The following TRDMT1 variants were observed in gnomAD, a reference collection of about 807,000 sequenced individuals.
The protein encoded by TRDMT1 is tRNA (cytosine(38)-C(5))-methyltransferase.
In TRDMT1, 49 loss-of-function variants were observed where a neutral mutation model predicts 51.2. That is an observed-to-expected ratio of 0.96 (90% CI 0.76 to 1.21). The LOEUF is 1.21. TRDMT1 is among the 50% of genes most tolerant of loss of function. TRDMT1 has a pLI of 0.00. For synonymous variants in TRDMT1, 187 were observed against 164.6 expected, an observed-to-expected ratio of 1.14 and a Z score of -1.04; for missense variants, 534 against 462.3, an observed-to-expected ratio of 1.16 and a Z score of -1.42.
intron 10 of TRDMT1, 86 bp downstream of exon 10, chr10:17,153,421 T>C: frequency 6.7e-7 from 1 of 1,487,752 alleles, no homozygotes; most frequent in Non-Finnish European, 9.2e-7. Flanking sequence ...GCCCATTTGT[T>C]TAGGCAAGTC....
Position 17,146,630 on chromosome 10 carries a change from C to T in TRDMT1, c.*2410G>A, listed in dbSNP as rs11254400. On this transcript the variant is annotated 3_prime_UTR_variant, in exon 11 of 11. Transcript: ENST00000377799. ...AGCAGGGATGATGGGAAAAGGAGAA[C>T]GAAAAATCGGTTTACTGTAAGGTAT... 0.15 allele frequency: 147,054 copies of T among 984,928 alleles called. 11,139 individuals carry two copies. The highest frequency in any genetic ancestry group is 0.17 in the Admixed American group (2,796 of 16,234). 61.0% of individuals were successfully genotyped at this position (984,928 alleles called of 1,614,324 possible).
chr10:17,201,480 T>TG, intron 1 of TRDMT1, 91 bp downstream of exon 1: 30 of 1,318,608 alleles, frequency 2.3e-5, no homozygotes, highest in Non-Finnish European at 2.8e-5. Context: ...TGTCCGCCCC[T>TG]TGCGTCTCGC....
intron 1 of TRDMT1, among the ~76,000 whole-genome samples, chr10:17,193,978 A>T (rs1175384272): frequency 1.3e-5 from 2 of 152,228 alleles, no homozygotes; most frequent in Non-Finnish European, 2.9e-5. Context: ...GACAAACGAA[A>T]CAGAATAGAT....
intron 1 of TRDMT1, among the ~76,000 whole-genome samples, chr10:17,179,041 T>C (rs1345806128): frequency 1.3e-5 from 2 of 151,210 alleles, no homozygotes; most frequent in African/African-American, 2.4e-5. Context: ...GGCAAATTAA[T>C]GTAAAAAAAA....
rs1837581583 is a variant in TRDMT1 at position 17,140,438 on chromosome 10, T to C, written c.*8602A>G. On this transcript the variant is annotated 3_prime_UTR_variant, in exon 11 of 11. Coordinates refer to ENST00000377799, the MANE Select transcript of TRDMT1 (RefSeq NM_004412.7). ...TACAATTCTATTACCATACTCAGCA[T>C]ACTCATATCTAAGTCAGTTAATTGG... is the stretch of plus-strand genomic sequence containing the variant. Among the ~76,000 whole-genome samples, 1 of 152,178 alleles carries C rather than the reference T, an allele frequency of 6.6e-6. No individual in the cohort carries two copies. The highest frequency in any genetic ancestry group is 2.4e-5 in the African/African-American group (1 of 41,438).
chr10:17,158,491 G>A (rs1299642108), intron 7 of TRDMT1, among the ~76,000 whole-genome samples: 2 of 152,030 alleles, frequency 1.3e-5, no homozygotes. Flanking sequence ...AGGGATTGAG[G>A]TGACACTACC....
intron 3 of TRDMT1, among the ~76,000 whole-genome samples, chr10:17,164,809 C>G (rs1356450636): frequency 1.3e-5 from 2 of 152,168 alleles, no homozygotes; most frequent in Non-Finnish European, 2.9e-5. Flanking sequence ...ATCCAACTTA[C>G]AAGGGATGTG....
At position 17,201,130 on chromosome 10, in the gene TRDMT1, G is replaced by A. The variant is rs562748030; in HGVS notation, c.64+441C>T. Among the ~76,000 whole-genome samples, 4 of 151,540 alleles carry A rather than the reference G, an allele frequency of 2.6e-5. No homozygotes were observed. In the East Asian group the frequency reaches 5.9e-4, roughly 22 times the overall value. On this transcript the variant is annotated intron_variant, in intron 1 of 10. Coordinates refer to ENST00000377799, the MANE Select transcript of TRDMT1 (RefSeq NM_004412.7). ...GAATTGTAGCTATTATCCCTTCCAA[G>A]ATCCATCTCTCACCAGGGGAGCCCC...
chr10:17,160,028 C>T (rs1840089887), intron 6 of TRDMT1, among the ~76,000 whole-genome samples: 1 of 152,066 alleles, frequency 6.6e-6, no homozygotes. Context: ...AAATACCAAA[C>T]TTGACGTATT....
intron 1 of TRDMT1, chr10:17,201,325 G>A (rs1159286504): frequency 1.0e-5 from 5 of 498,756 alleles, no homozygotes; most frequent in Non-Finnish European, 1.4e-5. Flanking sequence ...ACTCCCAACT[G>A]GGCCCTTTGA....
intron 3 of TRDMT1, 67 bp from the exon 4 acceptor site, chr10:17,162,304 G>T (rs1225009256): frequency 7.1e-7 from 1 of 1,415,682 alleles, no homozygotes; most frequent in Non-Finnish European, 9.6e-7. Context: ...CTGATAAAAA[G>T]ATGTCAAATC....
Position 17,137,846 on chromosome 10 carries a change from A to G in TRDMT1, c.*11194T>C, listed in dbSNP as rs1837464211. Among the ~76,000 whole-genome samples the G allele has an allele frequency of 6.6e-6, 1 of 152,026 alleles. No individual in the cohort carries two copies. Among genetic ancestry groups the G allele is most frequent in the Non-Finnish European group, 1.5e-5 (1 of 68,006 alleles). ...CTCTGCCAAAAAAAAAAGAAAAAAA[A>G]AAAAAGGTTGTTCCACTTGTCCAGC... On this transcript the variant is annotated 3_prime_UTR_variant, in exon 11 of 11. Transcript: ENST00000377799.
Position 17,147,523 on chromosome 10 carries a change from A to T in TRDMT1, c.*1517T>A. 1 of 221,540 alleles carries T rather than the reference A, an allele frequency of 4.5e-6. No homozygotes were observed. Among genetic ancestry groups the T allele is most frequent in the Non-Finnish European group, 7.6e-6 (1 of 131,458 alleles). 13.7% of individuals were successfully genotyped at this position (221,540 alleles called of 1,614,324 possible). A position where few individuals can be genotyped will look rare whatever the true frequency, so the allele number is the denominator to read the frequency against. ...CCTCCAGAACTTTCTCATCACCCCA[A>T]TCAGAAACTTTGTATCCATTATGCA... On this transcript the variant is annotated 3_prime_UTR_variant, in exon 11 of 11. Transcript: ENST00000377799.
At chr10:17,195,492 T>A (rs375412958) in intron 1 of TRDMT1, among the ~76,000 whole-genome samples, 2 of 152,076 alleles carry the variant, frequency 1.3e-5, no homozygotes, top group East Asian at 1.9e-4. Flanking sequence ...AAACTAACTG[T>A]GGGTACTATG....
rs374258496 is a variant in TRDMT1 at position 17,150,967 on chromosome 10, ATAAG to A, written c.1076-1831_1076-1828del. On this transcript the variant is annotated intron_variant, in intron 10 of 10. Transcript: ENST00000377799. ...GAAGGAAAGAAAGGTTTGAAAACAA[ATAAG>A]TAAGATTCGTACAAATTATATCTAT... 8.7e-4 allele frequency: 853 copies of A among 985,244 alleles called. 6 individuals are homozygous for A. The African/African-American group carries it at 0.012, about 14-fold the overall frequency. 61.0% of individuals were successfully genotyped at this position (985,244 alleles called of 1,614,324 possible). A position where few individuals can be genotyped will look rare whatever the true frequency, so the allele number is the denominator to read the frequency against.
intron 1 of TRDMT1, among the ~76,000 whole-genome samples, chr10:17,183,065 A>G (rs753692399): frequency 6.6e-6 from 1 of 152,234 alleles, no homozygotes; most frequent in Admixed American, 6.5e-5. Context: ...GTTATACTAC[A>G]TCTGGAAATG....
At position 17,145,860 on chromosome 10, in the gene TRDMT1, T is replaced by C. The variant is rs961962236; in HGVS notation, c.*3180A>G. On this transcript the variant is annotated 3_prime_UTR_variant, in exon 11 of 11. Transcript: ENST00000377799. Reference sequence around the variant, plus strand: ...TAGATGAAATGTGGTTGCTTCTTTGTTCTGTTCTGCTATGGCTAAAATTAA... The same window carrying C: ...TAGATGAAATGTGGTTGCTTCTTTGCTCTGTTCTGCTATGGCTAAAATTAA... The C allele has an allele frequency of 2.0e-6, 2 of 985,478 alleles. No homozygotes were observed. Among genetic ancestry groups the C allele is most frequent in the Non-Finnish European group, 2.4e-6 (2 of 829,942 alleles). The allele number at this position is 985,478 out of a possible 1,614,324, so 61.0% of individuals were successfully genotyped here.
At chr10:17,185,679 T>C (rs1488991216) in intron 1 of TRDMT1, among the ~76,000 whole-genome samples, 1 of 152,144 alleles carries the variant, frequency 6.6e-6, no homozygotes, top group Non-Finnish European at 1.5e-5. Flanking sequence ...AATGATAGAC[T>C]GGATTAAGAA....
Position 17,148,530 on chromosome 10 carries a change from A to C in TRDMT1, c.*510T>G. On this transcript the variant is annotated 3_prime_UTR_variant, in exon 11 of 11. Coordinates refer to ENST00000377799, the MANE Select transcript of TRDMT1 (RefSeq NM_004412.7). Reference sequence around the variant, plus strand: ...TTCTTCAGTCTGCTGTATAAACTGAATGATGATAATTTGGTTTACATATCA... The same window carrying C: ...TTCTTCAGTCTGCTGTATAAACTGACTGATGATAATTTGGTTTACATATCA... 1 of 985,338 alleles carries C rather than the reference A, an allele frequency of 1.0e-6. No homozygotes were observed. The highest frequency in any genetic ancestry group is 4.7e-5 in the South Asian group (1 of 21,286). 61.0% of individuals were successfully genotyped at this position (985,338 alleles called of 1,614,324 possible).
Sources: allele counts gnomAD v4.1 joint callset (sites outside exome capture counted in the v4.1 genomes callset), GRCh38; gene constraint gnomAD v4.1.1; transcripts MANE v1.5; gene names NCBI Gene and HGNC (gene_info 2026-07-23, HGNC 2026-07-21).